The following FAT3 variants were observed in gnomAD, a reference collection of about 807,000 sequenced individuals.
The protein encoded by FAT3 is protocadherin Fat 3.
Under a neutral mutation model 310.2 loss-of-function variants are expected in FAT3, and 95 were observed. That is an observed-to-expected ratio of 0.31 (90% confidence interval 0.26 to 0.36). The LOEUF is 0.36. Ranked by LOEUF, FAT3 falls within the 10% of genes least tolerant of loss-of-function variation. The pLI, the probability that FAT3 is intolerant of heterozygous loss-of-function variation, is 1.00. For synonymous variants in FAT3, 2,314 were observed against 2,192.9 expected (o/e 1.06, Z -1.54); for missense variants, 5,408 against 5,715.6 (o/e 0.95, Z 1.74).
intron 2 of FAT3, among the ~76,000 whole-genome samples, chr11:92,415,527 G>A (rs2134949691): frequency 6.6e-6 from 1 of 152,292 alleles, no homozygotes; most frequent in East Asian, 1.9e-4. Context: ...TTTCGGAAAT[G>A]TGGGGCCTTA....
chr11:92,557,157 C>T (rs552089105), intron 3 of FAT3, among the ~76,000 whole-genome samples: 9 of 152,142 alleles, frequency 5.9e-5, no homozygotes, highest in Non-Finnish European at 1.3e-4. Context: ...CCATCTTCAC[C>T]TTCTGCAGAA....
At chr11:92,454,028 A>C (rs919799068) in intron 2 of FAT3, among the ~76,000 whole-genome samples, 3 of 152,208 alleles carry the variant, frequency 2.0e-5, no homozygotes, top group Non-Finnish European at 4.4e-5. Flanking sequence ...AAAGGTAAAA[A>C]TAATTGTAAT....
rs115538375 is a variant in FAT3 at position 92,783,929 on chromosome 11, A to G, written c.4336-6014A>G. On this transcript the variant is annotated intron_variant, in intron 7 of 27. Transcript: ENST00000525166. ...AATAACCTCATAATGAATGTTCATG[A>G]AAAGAGAATGGAATCAGTTATCTAT... Among the ~76,000 whole-genome samples the G allele has an allele frequency of 6.2e-3, 939 of 152,360 alleles. 6 individuals carry two copies. The highest frequency in any genetic ancestry group is 0.022 in the African/African-American group (898 of 41,580).
chr11:92,891,442 C>CTGT lies in FAT3; in HGVS notation c.*329_*330insTGT. The CTGT allele has an allele frequency of 2.9e-6, 1 of 349,994 alleles. No individual in the cohort carries two copies. Among genetic ancestry groups the CTGT allele is most frequent in the Middle Eastern group, 9.4e-4 (1 of 1,068 alleles). 21.7% of individuals were successfully genotyped at this position (349,994 alleles called of 1,614,324 possible). On this transcript the variant is annotated 3_prime_UTR_variant, in exon 28 of 28. Coordinates refer to ENST00000525166, the MANE Select transcript of FAT3 (RefSeq NM_001367949.2). ...TGTATGGCTTTGTGCAGTATTGTGC[C>CTGT]CTGGAAAGTGTTACAGCATCAGTCC...
At chr11:92,373,807 C>T (rs1949263859) in intron 2 of FAT3, among the ~76,000 whole-genome samples, 1 of 132,970 alleles carries the variant, frequency 7.5e-6, no homozygotes, top group African/African-American at 3.2e-5. Context: ...CACACACACA[C>T]ACAGAGACAT....
intron 1 of FAT3, among the ~76,000 whole-genome samples, chr11:92,246,170 T>C (rs1346747784): frequency 1.3e-5 from 2 of 151,960 alleles, no homozygotes; most frequent in African/African-American, 4.8e-5. Context: ...AAGTACTGAA[T>C]ACTCTTTTAA....
intron 2 of FAT3, among the ~76,000 whole-genome samples, chr11:92,454,671 A>C (rs1485304797): frequency 6.6e-6 from 1 of 151,994 alleles, no homozygotes; most frequent in Admixed American, 6.6e-5. Context: ...ATGTTTTAGA[A>C]CTCTGATAGG....
intron 3 of FAT3, among the ~76,000 whole-genome samples, chr11:92,685,621 A>G (rs1943610897): frequency 6.7e-6 from 1 of 150,182 alleles, no homozygotes; most frequent in Non-Finnish European, 1.5e-5. Flanking sequence ...TATTATTATT[A>G]TAGTTTATTT....
chr11:92,779,715 T>G (rs1260859428), intron 7 of FAT3, among the ~76,000 whole-genome samples: 1 of 152,184 alleles, frequency 6.6e-6, no homozygotes, highest in Non-Finnish European at 1.5e-5. Context: ...CAAATGGGAC[T>G]TCGCAGATGT....
At position 92,880,716 on chromosome 11, in the gene FAT3, C is replaced by T. The variant is rs1354338796; in HGVS notation, c.12128-15C>T. On this transcript the variant is annotated splice_polypyrimidine_tract_variant and intron_variant, in intron 22 of 27. Coordinates refer to ENST00000525166, the MANE Select transcript of FAT3 (RefSeq NM_001367949.2). Reference sequence around the variant, plus strand: ...CAGTGGCATCCATGGCTCATGAGGTCCTCTGTTTCCCCAGGCTATCAGTGT... The same window carrying T: ...CAGTGGCATCCATGGCTCATGAGGTTCTCTGTTTCCCCAGGCTATCAGTGT... The T allele has an allele frequency of 6.2e-7, 1 of 1,609,488 alleles. No individual in the cohort carries two copies. Among genetic ancestry groups the T allele is most frequent in the South Asian group, 1.1e-5 (1 of 90,116 alleles).
rs1475892451 is a variant in FAT3 at position 92,800,672 on chromosome 11, C to A, written c.7659C>A (p.Ile2553=). The A allele has an allele frequency of 6.2e-7, 1 of 1,613,736 alleles. No homozygotes were observed. Among genetic ancestry groups the A allele is most frequent in the Non-Finnish European group, 8.5e-7 (1 of 1,179,808 alleles). The change falls in exon 10 of 28, where the codon ATC becomes ATA. Residue 2553 remains isoleucine (I), a synonymous_variant. Coordinates refer to ENST00000525166, the MANE Select transcript of FAT3 (RefSeq NM_001367949.2). ...RFLIDSNGQV[I]TTERLDRENP... ...TCATAGACAGCAATGGGCAGGTCATCACCACAGAAAGGCTAGACCGGGAAA... is the reference window on the plus strand; with the variant it reads ...TCATAGACAGCAATGGGCAGGTCATAACCACAGAAAGGCTAGACCGGGAAA...
At position 92,427,439 on chromosome 11, in the gene FAT3, C is replaced by A. The variant is rs558044777; in HGVS notation, c.3292+72035C>A. On this transcript the variant is annotated intron_variant, in intron 2 of 27. Transcript: ENST00000525166. ...GAGTAGTGAGAGAGGGCATCCTTGT[C>A]TTGTGCCAGTTTTCAAAGGGAATGC... 5.9e-5 allele frequency among the ~76,000 whole-genome samples: 9 copies of A among 152,276 alleles called. No individual in the cohort carries two copies. In the East Asian group the frequency reaches 1.5e-3, roughly 26 times the overall value.
At chr11:92,568,894 C>G (rs1955571426) in intron 3 of FAT3, among the ~76,000 whole-genome samples, 1 of 152,132 alleles carries the variant, frequency 6.6e-6, no homozygotes, top group African/African-American at 2.4e-5. Flanking sequence ...ACCTGTCAAC[C>G]CTCTGGTCAC....
chr11:92,356,786 T>C (rs1230149035), intron 2 of FAT3, among the ~76,000 whole-genome samples: 1 of 152,128 alleles, frequency 6.6e-6, no homozygotes, highest in Admixed American at 6.6e-5. Flanking sequence ...ATGATGATGA[T>C]TAGAACAGGT....
rs1371275030 is a variant in FAT3, at chr11:92,524,807, G to C, written c.3466G>C (p.Val1156Leu). 1.9e-6 allele frequency: 3 copies of C among 1,613,690 alleles called. No homozygotes were observed. Among genetic ancestry groups the C allele is most frequent in the Admixed American group, 1.7e-5 (1 of 59,960 alleles). The change falls in exon 3 of 28, where the codon GTT becomes CTT. Residue 1156 changes from valine to leucine, a missense_variant. Transcript: ENST00000525166. ...PLTSEPIYYP[V>L]VMENSPKDVS... Reference sequence around the variant, plus strand: ...GACCTCAGAACCTATATATTATCCTGTTGTCATGGAAAACTCTCCAAAGGA... The same window carrying C: ...GACCTCAGAACCTATATATTATCCTCTTGTCATGGAAAACTCTCCAAAGGA...
chr11:92,462,026 C>T (rs1033270260), intron 2 of FAT3, among the ~76,000 whole-genome samples: 2 of 152,160 alleles, frequency 1.3e-5, no homozygotes, highest in Non-Finnish European at 1.5e-5. Context: ...ATCAGAATCT[C>T]GTACTCTGAA....
At chr11:92,470,858 TA>T (rs1044340003) in intron 2 of FAT3, among the ~76,000 whole-genome samples, 1 of 152,272 alleles carries the variant, frequency 6.6e-6, no homozygotes, top group Non-Finnish European at 1.5e-5. Flanking sequence ...ATGACGACTT[TA>T]AAAAAATTAT....
At chr11:92,644,741 C>T (rs945163739) in intron 3 of FAT3, among the ~76,000 whole-genome samples, 5 of 152,222 alleles carry the variant, frequency 3.3e-5, no homozygotes, top group African/African-American at 1.2e-4. Context: ...TTTCATAGCT[C>T]ATTGCTGGCC....
intron 3 of FAT3, among the ~76,000 whole-genome samples, chr11:92,589,661 G>C (rs367654274): frequency 6.6e-6 from 1 of 151,768 alleles, no homozygotes; most frequent in Non-Finnish European, 1.5e-5. Flanking sequence ...TTGAGTTTCG[G>C]TGGTGTTTCT....
Sources: gnomAD v4.1 joint callset for allele counts (sites outside exome capture counted in the v4.1 genomes callset) on GRCh38, gnomAD v4.1.1 for gene constraint, MANE v1.5 for transcripts, NCBI Gene and HGNC (gene_info 2026-07-23, HGNC 2026-07-21) for gene names.